ANK1: variants seen among roughly 807,000 people sequenced by gnomAD.
The protein encoded by ANK1 is ankyrin 1.
In ANK1, 51 loss-of-function variants were observed where a neutral mutation model predicts 210.4. That is an observed-to-expected ratio of 0.24 (90% confidence interval 0.19 to 0.31). The LOEUF is 0.31. Among genes scored for constraint, ANK1 ranks in the 10% least tolerant of loss-of-function variants. The probability of loss-of-function intolerance (pLI) is 1.00; values close to 1 mark genes in which losing one functional copy is unlikely to be tolerated. For synonymous variants in ANK1, 967 were observed against 1,025.9 expected (o/e 0.94, Z 1.10); for missense variants, 2,051 against 2,504.4 (o/e 0.82, Z 3.86).
intron 1 of ANK1, among the ~76,000 whole-genome samples, chr8:41,876,434 C>T (rs902904369): frequency 6.6e-6 from 1 of 152,208 alleles, no homozygotes; most frequent in Admixed American, 6.5e-5. Context: ...GGGGCTGGGG[C>T]GCATTCAAGG....
upstream of ANK1, among the ~76,000 whole-genome samples, chr8:41,800,438 T>G (rs1587053795): frequency 6.6e-6 from 1 of 152,300 alleles, no homozygotes; most frequent in South Asian, 2.1e-4. Context: ...TGTGAGCCAT[T>G]TTGCATTAGA....
At chr8:41,677,949 C>T (rs1289137343) in intron 37 of ANK1, among the ~76,000 whole-genome samples, 1 of 152,108 alleles carries the variant, frequency 6.6e-6, no homozygotes, top group Non-Finnish European at 1.5e-5. Flanking sequence ...TTCCCTTGTA[C>T]ATAACACATT....
intron 23 of ANK1, among the ~76,000 whole-genome samples, chr8:41,698,739 G>A (rs1821813549): frequency 1.3e-5 from 2 of 152,260 alleles, no homozygotes; most frequent in South Asian, 4.1e-4. Context: ...AGGGGCAGAG[G>A]TATACAGTCA....
At chr8:41,722,149 A>G (rs992938189) in intron 9 of ANK1, among the ~76,000 whole-genome samples, 4 of 152,214 alleles carry the variant, frequency 2.6e-5, no homozygotes, top group African/African-American at 9.6e-5. Flanking sequence ...AAACTGAAAC[A>G]CAGAGAGGGC....
chr8:41,717,580 G>A lies in ANK1; in HGVS notation c.1305+24C>T, dbSNP rs115994804. On this transcript the variant is annotated intron_variant, in intron 12 of 42. Transcript: ENST00000289734. ...CTGAGCTCTTGGTCTAGGGGAGCAAGCCCCTGCCTGCCTGAGGGCTTACCA... is the reference window on the plus strand; with the variant it reads ...CTGAGCTCTTGGTCTAGGGGAGCAAACCCCTGCCTGCCTGAGGGCTTACCA... The A allele has an allele frequency of 1.3e-3, 1,954 of 1,545,250 alleles. 22 individuals carry two copies. The African/African-American group carries it at 0.024, about 19-fold the overall frequency.
chr8:41,783,678 C>A (rs1845778424), intron 1 of ANK1, among the ~76,000 whole-genome samples: 1 of 152,200 alleles, frequency 6.6e-6, no homozygotes, highest in African/African-American at 2.4e-5. Context: ...TGCAATGTCA[C>A]CCACACCAAT....
At chr8:41,719,552 G>A in intron 10 of ANK1, 109 bp downstream of exon 10, 2 of 1,434,448 alleles carry the variant, frequency 1.4e-6, no homozygotes, top group East Asian at 2.3e-5. Flanking sequence ...TCGAATCTGG[G>A]GAGCTCCGGG....
rs2150523656 is a variant in ANK1, at chr8:41,653,361, ATAACAAT to A, written c.*2422_*2428del. 1 of 152,816 alleles carries A rather than the reference ATAACAAT, an allele frequency of 6.5e-6. No individual in the cohort carries two copies. The highest frequency in any genetic ancestry group is 2.4e-5 in the African/African-American group (1 of 41,574). The allele number at this position is 152,816 out of a possible 1,614,324, so 9.5% of individuals were successfully genotyped here. A position where few individuals can be genotyped will look rare whatever the true frequency, so the allele number is the denominator to read the frequency against. The stretch of plus-strand genomic sequence containing the variant: ...GAGAGTCAAGAAAAGATCCATTTTC[ATAACAAT>A]TAAAAAAATCAAGGTAATTTCAAAA... On this transcript the variant is annotated 3_prime_UTR_variant, in exon 43 of 43. Transcript: ENST00000289734.
At chr8:41,859,845 C>A (rs1271942517) in intron 1 of ANK1, among the ~76,000 whole-genome samples, 4 of 152,230 alleles carry the variant, frequency 2.6e-5, no homozygotes, top group Non-Finnish European at 5.9e-5. Flanking sequence ...CTGGCCGCAG[C>A]AACAACAGGT....
At chr8:41,746,826 T>C (rs1299797592) in intron 2 of ANK1, among the ~76,000 whole-genome samples, 1 of 149,410 alleles carries the variant, frequency 6.7e-6, no homozygotes, top group Non-Finnish European at 1.5e-5. Flanking sequence ...ATATCTCCTA[T>C]GGACTAGAAA....
chr8:41,664,836 G>C, intron 39 of ANK1: 2 of 1,611,938 alleles, frequency 1.2e-6, no homozygotes, highest in Non-Finnish European at 1.7e-6. Context: ...GACCACCCTG[G>C]TGGAGATGGT....
intron 38 of ANK1, among the ~76,000 whole-genome samples, chr8:41,670,451 G>A (rs536607923): frequency 6.6e-6 from 1 of 152,240 alleles, no homozygotes; most frequent in East Asian, 1.9e-4. Flanking sequence ...GCCCCTGCAG[G>A]TGCTCAATAA....
At chr8:41,675,250 T>C (rs537967014) in intron 37 of ANK1, among the ~76,000 whole-genome samples, 60 of 152,266 alleles carry the variant, frequency 3.9e-4, no homozygotes, top group Admixed American at 7.2e-4. Context: ...GTATGCGCCA[T>C]GACGCCTGGC....
chr8:41,878,010 T>A (rs181699604), intron 1 of ANK1, among the ~76,000 whole-genome samples: 1 of 152,294 alleles, frequency 6.6e-6, no homozygotes, highest in East Asian at 1.9e-4. Flanking sequence ...GGTCAGTGAC[T>A]AGGCTATTGC....
At chr8:41,865,210 G>A (rs1814157167) in intron 1 of ANK1, among the ~76,000 whole-genome samples, 1 of 152,176 alleles carries the variant, frequency 6.6e-6, no homozygotes, top group Admixed American at 6.5e-5. Flanking sequence ...ACACGGCTGA[G>A]GAGGGACTTG....
chr8:41,714,898 A>G (rs1366793683), intron 15 of ANK1, 78 bp downstream of exon 15: 1 of 1,383,118 alleles, frequency 7.2e-7, no homozygotes, highest in Non-Finnish European at 1.0e-6. Flanking sequence ...AAGAGATGGA[A>G]TCTGCAAGTG....
In ANK1 at chr8:41,764,687, C is replaced by T. The variant is rs539258816; in HGVS notation, c.28-6550G>A. 2.6e-5 allele frequency among the ~76,000 whole-genome samples: 4 copies of T among 152,334 alleles called. No homozygotes were observed. In the South Asian group the frequency reaches 8.3e-4, roughly 32 times the overall value. On this transcript the variant is annotated intron_variant, in intron 1 of 42. Coordinates refer to ENST00000289734, the MANE Select transcript of ANK1 (RefSeq NM_000037.4). ...TGTCTCTTCCCCTCCTCATCTCTAG[C>T]TTCGTTTTAATCTAATTCTACCTGT...
intron 1 of ANK1, among the ~76,000 whole-genome samples, chr8:41,888,215 CT>C: frequency 6.6e-6 from 1 of 152,336 alleles, no homozygotes; most frequent in Non-Finnish European, 1.5e-5. Flanking sequence ...CATCTTCCTC[CT>C]AACCCGTCCC....
chr8:41,893,789 C>G (rs1035308996), intron 1 of ANK1, among the ~76,000 whole-genome samples: 1 of 152,202 alleles, frequency 6.6e-6, no homozygotes, highest in African/African-American at 2.4e-5. Context: ...AAACTGGGTC[C>G]ACACACTCTG....
Sources: gnomAD v4.1 joint callset for allele counts (sites outside exome capture counted in the v4.1 genomes callset) on GRCh38, gnomAD v4.1.1 for gene constraint, MANE v1.5 for transcripts, NCBI Gene and HGNC (gene_info 2026-07-23, HGNC 2026-07-21) for gene names.